The following ZCCHC14 variants were observed in gnomAD, a reference collection of about 807,000 sequenced individuals.
ZCCHC14 encodes zinc finger CCHC domain-containing protein 14.
ZCCHC14 carries 16 observed loss-of-function variants against 85.0 expected under a neutral mutation model. The observed-to-expected ratio is 0.19, with a 90% CI of 0.13 to 0.29. ZCCHC14 has a LOEUF of 0.29. Ranked by LOEUF, ZCCHC14 falls within the 10% of genes least tolerant of loss-of-function variation. The pLI is 1.00. For synonymous variants in ZCCHC14, 775 were observed against 630.7 expected, an observed-to-expected ratio of 1.23 and a Z score of -3.43; for missense variants, 1,303 against 1,443.5, an observed-to-expected ratio of 0.90 and a Z score of 1.58.
chr16:87,477,870 TG>T (rs1297536080), intron 1 of ZCCHC14, among the ~76,000 whole-genome samples: 1 of 148,086 alleles, frequency 6.8e-6, no homozygotes, highest in African/African-American at 2.5e-5. Flanking sequence ...CGCACACACC[TG>T]GGGAACACCG....
At chr16:87,482,082 C>T (rs1361068525) in intron 1 of ZCCHC14, among the ~76,000 whole-genome samples, 1 of 152,164 alleles carries the variant, frequency 6.6e-6, no homozygotes, top group Non-Finnish European at 1.5e-5. Context: ...GCCCTCCCGA[C>T]CTACCCATGT....
At chr16:87,485,829 T>C (rs544151590) in intron 1 of ZCCHC14, among the ~76,000 whole-genome samples, 3 of 152,142 alleles carry the variant, frequency 2.0e-5, no homozygotes, top group Non-Finnish European at 2.9e-5. Context: ...ATTCAAAAGG[T>C]AGATGAAGTT....
At chr16:87,428,368 C>T (rs1465119949) in intron 3 of ZCCHC14, among the ~76,000 whole-genome samples, 1 of 152,186 alleles carries the variant, frequency 6.6e-6, no homozygotes, top group Non-Finnish European at 1.5e-5. Flanking sequence ...CTGTCGGCAA[C>T]AGACTGTTCC....
intron 2 of ZCCHC14, among the ~76,000 whole-genome samples, chr16:87,444,939 G>A (rs1213167964): frequency 2.0e-5 from 3 of 152,160 alleles, no homozygotes; most frequent in Non-Finnish European, 2.9e-5. Flanking sequence ...ATTGTTTGCA[G>A]AAAACACATG....
At chr16:87,431,300 C>T (rs552383320) in intron 3 of ZCCHC14, among the ~76,000 whole-genome samples, 3 of 151,594 alleles carry the variant, frequency 2.0e-5, no homozygotes, top group African/African-American at 4.8e-5. Flanking sequence ...GGTGAAACCC[C>T]GTCTCTACTA....
intron 1 of ZCCHC14, chr16:87,467,640 T>A (rs1911587337): frequency 1.0e-6 from 1 of 989,354 alleles, no homozygotes; most frequent in Non-Finnish European, 1.6e-6. Flanking sequence ...GACTCTGAAT[T>A]TCCCTGGTCG....
intron 6 of ZCCHC14, 94 bp downstream of exon 6, chr16:87,419,689 G>C: frequency 1.8e-6 from 2 of 1,087,392 alleles, no homozygotes; most frequent in South Asian, 1.9e-5. Context: ...GCCCGCCTCA[G>C]CCTCCCAAAG....
At chr16:87,435,160 A>G (rs962396955) in intron 2 of ZCCHC14, among the ~76,000 whole-genome samples, 2 of 152,094 alleles carry the variant, frequency 1.3e-5, no homozygotes, top group African/African-American at 4.8e-5. Context: ...TTCTCCTAAC[A>G]TACACGAACC....
intron 1 of ZCCHC14, among the ~76,000 whole-genome samples, chr16:87,461,206 C>T (rs1276156044): frequency 2.0e-5 from 3 of 152,214 alleles, no homozygotes; most frequent in African/African-American, 7.2e-5. Context: ...CTCGTCCCAC[C>T]CCTCCTGCTT....
At position 87,492,511 on chromosome 16, in the gene ZCCHC14, G is replaced by A. The variant is rs1308911701; in HGVS notation, c.-273C>T. On this transcript the variant is annotated 5_prime_UTR_variant, in exon 1 of 13. Transcript: ENST00000671377. The surrounding 1 kb of genome is among the most constrained non-coding windows in gnomAD (Gnocchi z 6.7). ...GCCGGGGCGGCCGGGGGCGGCGAGC[G>A]GCCTCGGGCCCCCCGCTCACGGGGA... The A allele has an allele frequency of 6.9e-6, 1 of 145,312 alleles. No individual in the cohort carries two copies. The highest frequency in any genetic ancestry group is 2.5e-5 in the African/African-American group (1 of 40,564). 9.0% of individuals were successfully genotyped at this position (145,312 alleles called of 1,614,324 possible).
intron 1 of ZCCHC14, among the ~76,000 whole-genome samples, chr16:87,462,584 C>A (rs987952888): frequency 2.6e-4 from 40 of 151,276 alleles, no homozygotes; most frequent in African/African-American, 9.2e-4. Flanking sequence ...ACTAAAAATA[C>A]AAAAAATTAG....
chr16:87,456,912 A>ATTT (rs1910996901), intron 2 of ZCCHC14, among the ~76,000 whole-genome samples: 1 of 152,242 alleles, frequency 6.6e-6, no homozygotes, highest in Non-Finnish European at 1.5e-5. Flanking sequence ...TCTCACAAAA[A>ATTT]GAAAACTTTA....
intron 12 of ZCCHC14, among the ~76,000 whole-genome samples, chr16:87,410,908 A>G (rs987873857): frequency 2.0e-5 from 3 of 152,258 alleles, no homozygotes; most frequent in Non-Finnish European, 4.4e-5. Context: ...GCAAGGTGGC[A>G]CCATGAGTTG....
Position 87,408,382 on chromosome 16 carries a change from TA to T in ZCCHC14, c.*1897del, listed in dbSNP as rs1273166441. ...CCACTGTAATGGCCTTCAGAAATAT[TA>T]AAATCGTAAACATCAATGAACACTC... On this transcript the variant is annotated 3_prime_UTR_variant, in exon 13 of 13. Coordinates refer to ENST00000671377, the MANE Select transcript of ZCCHC14 (RefSeq NM_015144.3). The T allele has an allele frequency of 6.6e-6, 1 of 152,602 alleles. No homozygotes were observed. Among genetic ancestry groups the T allele is most frequent in the Non-Finnish European group, 1.5e-5 (1 of 68,040 alleles). 9.5% of individuals were successfully genotyped at this position (152,602 alleles called of 1,614,324 possible). A position where few individuals can be genotyped will look rare whatever the true frequency, so the allele number is the denominator to read the frequency against.
intron 10 of ZCCHC14, among the ~76,000 whole-genome samples, chr16:87,414,112 C>G (rs918430753): frequency 7.3e-6 from 1 of 136,554 alleles, no homozygotes; most frequent in African/African-American, 3.4e-5. Context: ...ACCTGCCCGG[C>G]ACACCGGCCC....
chr16:87,432,664 A>C (rs1010617915), intron 3 of ZCCHC14, among the ~76,000 whole-genome samples: 6 of 152,140 alleles, frequency 3.9e-5, no homozygotes, highest in Non-Finnish European at 8.8e-5. Flanking sequence ...GGTCACCGGG[A>C]AACACAATAC....
intron 1 of ZCCHC14, among the ~76,000 whole-genome samples, chr16:87,469,475 C>T (rs1018507588): frequency 2.0e-5 from 3 of 152,202 alleles, no homozygotes; most frequent in African/African-American, 7.2e-5. Context: ...CGGAGCACAG[C>T]GGTCAGGAGC....
chr16:87,459,679 T>C (rs1184306770), intron 2 of ZCCHC14, among the ~76,000 whole-genome samples: 1 of 152,110 alleles, frequency 6.6e-6, no homozygotes, highest in Non-Finnish European at 1.5e-5. Context: ...CCAGCTAATT[T>C]TGTATTTTTA....
rs1386579072 is a variant in ZCCHC14 at position 87,406,530 on chromosome 16, C to T, written c.*3750G>A. ...TTCATTCCTAAAAAGAAAATATGTC[C>T]AATAGAAGCTGTGAAGGTATCGAGT... On this transcript the variant is annotated 3_prime_UTR_variant, in exon 13 of 13. Transcript: ENST00000671377. The T allele has an allele frequency of 1.3e-5, 2 of 152,372 alleles. No homozygotes were observed. The highest frequency in any genetic ancestry group is 2.9e-5 in the Non-Finnish European group (2 of 68,004). 9.4% of individuals were successfully genotyped at this position (152,372 alleles called of 1,614,324 possible).
Sources: gnomAD v4.1 joint callset for allele counts (sites outside exome capture counted in the v4.1 genomes callset) on GRCh38, gnomAD v4.1.1 for gene constraint, Gnocchi (gnomAD v3.1) non-coding constraint, MANE v1.5 for transcripts, NCBI Gene and HGNC (gene_info 2026-07-23, HGNC 2026-07-21) for gene names.